The following TCF12 variants were observed in gnomAD, a reference collection of about 807,000 sequenced individuals.
TCF12 encodes the protein DNA-binding protein HTF4.
Under a neutral mutation model 86.0 loss-of-function variants are expected in TCF12, and 45 were observed. The ratio of observed to expected loss-of-function variants is 0.52; its 90% CI spans 0.41 to 0.67. The LOEUF (loss-of-function observed/expected upper bound fraction) is 0.67, where lower values mean the gene tolerates loss of function less well. Ranked by LOEUF, TCF12 falls within the 30% of genes least tolerant of loss-of-function variation. TCF12 has a pLI of 0.00. For synonymous variants in TCF12, 330 were observed against 299.6 expected (o/e 1.10, Z -1.05); for missense variants, 881 against 859.9 (o/e 1.02, Z -0.31).
At chr15:56,961,149 G>A (rs1487115110) in intron 3 of TCF12, among the ~76,000 whole-genome samples, 1 of 149,200 alleles carries the variant, frequency 6.7e-6, no homozygotes, top group Non-Finnish European at 1.5e-5. Flanking sequence ...AAAAAAATCA[G>A]TTCATTAAAT....
At chr15:57,033,629 G>C (rs2066334442) in intron 3 of TCF12, among the ~76,000 whole-genome samples, 1 of 152,080 alleles carries the variant, frequency 6.6e-6, no homozygotes, top group African/African-American at 2.4e-5. Flanking sequence ...TTCTACTTGT[G>C]AGGTACTGCA....
At chr15:56,996,590 T>C (rs1269226448) in intron 3 of TCF12, among the ~76,000 whole-genome samples, 1 of 152,158 alleles carries the variant, frequency 6.6e-6, no homozygotes, top group Non-Finnish European at 1.5e-5. Flanking sequence ...GCAAGGAATT[T>C]GTGGCTAAGT....
chr15:57,106,958 G>A (rs1333015385), intron 5 of TCF12, among the ~76,000 whole-genome samples: 2 of 152,206 alleles, frequency 1.3e-5, no homozygotes, highest in Non-Finnish European at 2.9e-5. Context: ...ATTCTTGTTC[G>A]TTGCTGGTGG....
intron 8 of TCF12, among the ~76,000 whole-genome samples, chr15:57,215,912 A>G (rs2058313453): frequency 6.6e-6 from 1 of 152,170 alleles, no homozygotes; most frequent in Non-Finnish European, 1.5e-5. Context: ...CTGTTTCCCA[A>G]TCAACAGAAA....
chr15:57,149,263 A>G (rs2053580398), intron 5 of TCF12, among the ~76,000 whole-genome samples: 1 of 152,172 alleles, frequency 6.6e-6, no homozygotes, highest in South Asian at 2.1e-4. Context: ...GAGTATATGT[A>G]TGTGGGCAAG....
intron 19 of TCF12, chr15:57,281,942 T>A (rs1303895039): frequency 5.9e-6 from 1 of 170,580 alleles, no homozygotes; most frequent in Non-Finnish European, 1.3e-5. Context: ...AAAATTGTCT[T>A]CCACGAAACC....
intron 13 of TCF12, among the ~76,000 whole-genome samples, chr15:57,246,097 C>G (rs2151981926): frequency 6.6e-6 from 1 of 152,198 alleles, no homozygotes; most frequent in Non-Finnish European, 1.5e-5. Flanking sequence ...TCTTGTGTGG[C>G]AATGGCCTGT....
intron 3 of TCF12, among the ~76,000 whole-genome samples, chr15:56,946,518 T>C (rs2061004255): frequency 6.6e-6 from 1 of 152,138 alleles, no homozygotes; most frequent in Admixed American, 6.5e-5. Flanking sequence ...AATAGTTGTT[T>C]TCAAGTTTTT....
rs1555511574 is a variant in TCF12, at chr15:57,123,982, A to AAAAAAAAT, written c.325+32091_325+32092insAAAAAAAT. On this transcript the variant is annotated intron_variant, in intron 5 of 20. Transcript: ENST00000333725. ...AGACTCCGTCTCAAAAAAAAAAAAA[A>AAAAAAAAT]TTTTTTTTTTTTTTCCATAGGGACA... Among the ~76,000 whole-genome samples the AAAAAAAAT allele has an allele frequency of 6.7e-3, 742 of 111,096 alleles. 17 individuals carry two copies. The highest frequency in any genetic ancestry group is 0.019 in the African/African-American group (637 of 33,022). The allele number at this position is 111,096 out of a possible 152,430, so 72.9% of individuals were successfully genotyped here.
intron 18 of TCF12, among the ~76,000 whole-genome samples, chr15:57,263,789 T>C (rs1387905083): frequency 6.6e-6 from 1 of 152,184 alleles, no homozygotes; most frequent in Non-Finnish European, 1.5e-5. Context: ...CTGAGTGCTG[T>C]AGGCAATTGT....
In TCF12 at chr15:57,056,154, T is replaced by TG. The variant is rs1567332495; in HGVS notation, c.149-7596_149-7595insG. On this transcript the variant is annotated intron_variant, in intron 3 of 20. Transcript: ENST00000333725. ...GTGTGTGTGTGTGTGTGTGTGTGTG[T>TG]TTTGAGACAGAGTTTCTCTCTTGTT... is the stretch of plus-strand genomic sequence containing the variant. Among the ~76,000 whole-genome samples, 12 of 146,580 alleles carry TG rather than the reference T, an allele frequency of 8.2e-5. No individual in the cohort carries two copies. The South Asian group carries it at 1.1e-3, about 13-fold the overall frequency.
chr15:57,129,821 T>C (rs1462155), intron 5 of TCF12: 149,061 of 152,292 alleles, frequency 0.98, 73,043 homozygotes, highest in East Asian at 1. Flanking sequence ...AGAGAAGACA[T>C]ACAAGTAATT....
intron 15 of TCF12, 86 bp from the exon 16 acceptor site, chr15:57,253,176 A>G (rs1597658303): frequency 1.4e-6 from 2 of 1,432,598 alleles, no homozygotes; most frequent in Non-Finnish European, 1.9e-6. Flanking sequence ...GCTATCTTCC[A>G]CATATCACAT....
At chr15:57,037,434 A>C (rs561130576) in intron 3 of TCF12, among the ~76,000 whole-genome samples, 84 of 151,122 alleles carry the variant, frequency 5.6e-4, no homozygotes, top group South Asian at 1.3e-3. Flanking sequence ...AGAGCTCAAA[A>C]AAACAAACAA....
chr15:57,284,326 G>T (rs2061838014), intron 20 of TCF12, among the ~76,000 whole-genome samples: 1 of 151,936 alleles, frequency 6.6e-6, no homozygotes, highest in Non-Finnish European at 1.5e-5. Context: ...TTCCACCTCA[G>T]CCTCCTGAGT....
chr15:57,089,531 C>T (rs572816470), intron 4 of TCF12, among the ~76,000 whole-genome samples: 1 of 150,448 alleles, frequency 6.6e-6, no homozygotes, highest in South Asian at 2.1e-4. Context: ...TTAGCAACAC[C>T]ATAAATACAT....
At chr15:57,249,713 T>C (rs1288741844) in intron 13 of TCF12, among the ~76,000 whole-genome samples, 1 of 152,172 alleles carries the variant, frequency 6.6e-6, no homozygotes, top group Non-Finnish European at 1.5e-5. Flanking sequence ...GTAAGGCAAA[T>C]TGACCTGCAA....
chr15:57,232,883 C>G, intron 11 of TCF12, 27 bp downstream of exon 11: 1 of 1,505,794 alleles, frequency 6.6e-7, no homozygotes, highest in Admixed American at 2.1e-5. Context: ...GGCAAAACTT[C>G]CTAAAAGTTT....
chr15:56,961,673 A>C (rs763243781), intron 3 of TCF12, among the ~76,000 whole-genome samples: 1 of 152,214 alleles, frequency 6.6e-6, no homozygotes, highest in Non-Finnish European at 1.5e-5. Context: ...GGGTTGAGAA[A>C]ACACTTTAGA....
Sources: allele counts gnomAD v4.1 joint callset (sites outside exome capture counted in the v4.1 genomes callset), GRCh38; gene constraint gnomAD v4.1.1; transcripts MANE v1.5; gene names NCBI Gene and HGNC (gene_info 2026-07-23, HGNC 2026-07-21).